The following GPATCH2L variants were observed in gnomAD, a reference collection of about 807,000 sequenced individuals.
GPATCH2L encodes the protein G-patch domain containing 2 like.
GPATCH2L carries 31 observed loss-of-function variants against 57.4 expected under a neutral mutation model. That is an observed-to-expected ratio of 0.54 (90% CI 0.41 to 0.73). The LOEUF is 0.73. Among genes scored for constraint, GPATCH2L ranks in the 30% least tolerant of loss-of-function variants. The pLI, the probability that GPATCH2L is intolerant of heterozygous loss-of-function variation, is 0.00. For missense variants in GPATCH2L, 481 were observed against 599.9 expected (o/e 0.80, Z 2.07); for synonymous variants, 199 against 210.7 (o/e 0.94, Z 0.48).
At chr14:76,233,090 T>C (rs769400163) in intron 2 of GPATCH2L, among the ~76,000 whole-genome samples, 2 of 152,230 alleles carry the variant, frequency 1.3e-5, no homozygotes, top group Non-Finnish European at 2.9e-5. Flanking sequence ...AGGCGGATTC[T>C]TTACTACACA....
At chr14:76,184,924 T>C (rs2039708971) in intron 8 of GPATCH2L, among the ~76,000 whole-genome samples, 1 of 152,232 alleles carries the variant, frequency 6.6e-6, no homozygotes, top group Non-Finnish European at 1.5e-5. Flanking sequence ...TAAATGCATA[T>C]GGTTTTGTGA....
At chr14:76,226,115 C>T (rs1295510659) in intron 1 of GPATCH2L, among the ~76,000 whole-genome samples, 1 of 152,146 alleles carries the variant, frequency 6.6e-6, no homozygotes, top group Non-Finnish European at 1.5e-5. Flanking sequence ...AAGTACAAAC[C>T]CCATAGAAAC....
intron 8 of GPATCH2L, among the ~76,000 whole-genome samples, chr14:76,194,081 C>T (rs148110506): frequency 5.9e-5 from 9 of 152,210 alleles, no homozygotes; most frequent in East Asian, 1.9e-4. Flanking sequence ...ACCACCACTC[C>T]GTTCAGACTG....
intron 8 of GPATCH2L, among the ~76,000 whole-genome samples, chr14:76,182,350 C>A (rs1486929238): frequency 8.7e-6 from 1 of 115,482 alleles, no homozygotes; most frequent in Non-Finnish European, 1.7e-5. Flanking sequence ...GAGCGAGACC[C>A]CGTCTCAGAA....
chr14:76,183,185 C>T (rs2039639459), intron 8 of GPATCH2L, among the ~76,000 whole-genome samples: 1 of 152,192 alleles, frequency 6.6e-6, no homozygotes, highest in Non-Finnish European at 1.5e-5. Flanking sequence ...TCTCATTATC[C>T]ATACCACTGT....
intron 2 of GPATCH2L, among the ~76,000 whole-genome samples, chr14:76,232,021 C>CACTGCAGGCTCACTGCAGCCTCA (rs1555385029): frequency 2.0e-5 from 3 of 151,208 alleles, no homozygotes; most frequent in Non-Finnish European, 4.4e-5. Context: ...AAGCAATCTT[C>CACTGCAGGCTCACTGCAGCCTCA]CTGCTTCAGC....
At chr14:76,190,886 C>G (rs1282733007) in intron 8 of GPATCH2L, among the ~76,000 whole-genome samples, 1 of 152,126 alleles carries the variant, frequency 6.6e-6, no homozygotes, top group African/African-American at 2.4e-5. Flanking sequence ...ATTCGGATAA[C>G]CATTTGCCAC....
chr14:76,235,551 C>T (rs1325726010), intron 2 of GPATCH2L, among the ~76,000 whole-genome samples: 1 of 152,210 alleles, frequency 6.6e-6, no homozygotes, highest in Non-Finnish European at 1.5e-5. Flanking sequence ...TTTCTTTACA[C>T]ATTACCCAGT....
At chr14:76,193,974 GATGCTCT>G (rs2040066623) in intron 8 of GPATCH2L, among the ~76,000 whole-genome samples, 1 of 152,100 alleles carries the variant, frequency 6.6e-6, no homozygotes, top group African/African-American at 2.4e-5. Context: ...GGAAAAGATG[GATGCTCT>G]ATGTGTTCTA....
At chr14:76,179,033 G>A (rs973233172) in intron 7 of GPATCH2L, 1 of 150,268 alleles carries the variant, frequency 6.7e-6, no homozygotes, top group Non-Finnish European at 1.5e-5. Context: ...GTGAAAAGTT[G>A]TAGGCTTCCT....
chr14:76,171,469 C>T (rs1404986451), intron 3 of GPATCH2L, among the ~76,000 whole-genome samples: 1 of 151,966 alleles, frequency 6.6e-6, no homozygotes. Flanking sequence ...GCCAGCTACT[C>T]AGGAGGCTGA....
intron 1 of GPATCH2L, among the ~76,000 whole-genome samples, chr14:76,227,627 CAT>C (rs1292591160): frequency 2.0e-5 from 3 of 152,204 alleles, no homozygotes; most frequent in Admixed American, 6.5e-5. Flanking sequence ...CCTGTGAAGA[CAT>C]ATGCTTTTCG....
At chr14:76,216,712 T>A (rs1462355983), downstream of GPATCH2L, among the ~76,000 whole-genome samples, 3 of 152,082 alleles carry the variant, frequency 2.0e-5, no homozygotes, top group African/African-American at 7.2e-5. Flanking sequence ...GAAGAACAAA[T>A]GAACAAGAGC....
intron 1 of GPATCH2L, among the ~76,000 whole-genome samples, chr14:76,223,511 C>G (rs1238549294): frequency 6.6e-6 from 1 of 152,122 alleles, no homozygotes; most frequent in Non-Finnish European, 1.5e-5. Flanking sequence ...ATCTTCATGA[C>G]CTTGGATGAG....
At position 76,212,563 on chromosome 14, in the gene GPATCH2L, A is replaced by G. The variant is rs2040453941; in HGVS notation, c.*10712A>G. 1 of 152,236 alleles carries G rather than the reference A, an allele frequency of 6.6e-6. No homozygotes were observed. The highest frequency in any genetic ancestry group is 2.4e-5 in the African/African-American group (1 of 41,470). The allele number at this position is 152,236 out of a possible 1,614,324, so 9.4% of individuals were successfully genotyped here. The stretch of plus-strand genomic sequence containing the variant: ...AATACAATGTTAGTTGGATATTTTA[A>G]TTCAATTCTGTCAATTCATGACAGA... On this transcript the variant is annotated 3_prime_UTR_variant, in exon 10 of 10. Transcript: ENST00000261530.
At position 76,206,882 on chromosome 14, in the gene GPATCH2L, A is replaced by G. The variant is rs1328873455; in HGVS notation, c.*5031A>G. 1 of 152,152 alleles carries G rather than the reference A, an allele frequency of 6.6e-6. No homozygotes were observed. Among genetic ancestry groups the G allele is most frequent in the East Asian group, 1.9e-4 (1 of 5,204 alleles). 9.4% of individuals were successfully genotyped at this position (152,152 alleles called of 1,614,324 possible). On this transcript the variant is annotated 3_prime_UTR_variant, in exon 10 of 10. Coordinates refer to ENST00000261530, the MANE Select transcript of GPATCH2L (RefSeq NM_017926.4). ...CCATAAGTAAAGAGATTTTTTTTGT[A>G]TAATTCTTTGCAGAAACTGTTAATG...
At chr14:76,174,412 G>C (rs942359309) in intron 5 of GPATCH2L, 7 of 152,324 alleles carry the variant, frequency 4.6e-5, no homozygotes, top group African/African-American at 1.4e-4. Flanking sequence ...GGAAGGGAGA[G>C]GCATTGAGAG....
In GPATCH2L at chr14:76,180,521, A is replaced by C. The variant is rs1210245480; in HGVS notation, c.1108-243A>C. 2.0e-5 allele frequency among the ~76,000 whole-genome samples: 3 copies of C among 152,342 alleles called. No homozygotes were observed. In the East Asian group the frequency reaches 5.8e-4, roughly 29 times the overall value. ...GCCATTTAAGTGACTATTGTATGTC[A>C]GAAGTTTTTGAAAAATTGTTGTTTA... On this transcript the variant is annotated intron_variant, in intron 7 of 9. Transcript: ENST00000261530.
chr14:76,224,997 G>T (rs934993846), intron 1 of GPATCH2L, among the ~76,000 whole-genome samples: 2 of 152,128 alleles, frequency 1.3e-5, no homozygotes, highest in Non-Finnish European at 2.9e-5. Flanking sequence ...TAAATGGAGA[G>T]ATCTGCTGTA....
Sources: allele counts gnomAD v4.1 joint callset (sites outside exome capture counted in the v4.1 genomes callset), GRCh38; gene constraint gnomAD v4.1.1; transcripts MANE v1.5; gene names NCBI Gene and HGNC (gene_info 2026-07-23, HGNC 2026-07-21).